SAFB2: variants seen among roughly 807,000 people sequenced by gnomAD.
SAFB2 encodes scaffold attachment factor B2.
A neutral mutation model predicts 100.6 loss-of-function variants in SAFB2; 32 were observed. The observed-to-expected ratio is 0.32, with a 90% CI of 0.24 to 0.43. The LOEUF is 0.43. SAFB2 is among the 20% of genes least tolerant of loss of function. The pLI, the probability that SAFB2 is intolerant of heterozygous loss-of-function variation, is 1.00. For synonymous variants in SAFB2, 500 were observed against 439.4 expected, an observed-to-expected ratio of 1.14 and a Z score of -1.72; for missense variants, 1,185 against 1,163.4, an observed-to-expected ratio of 1.02 and a Z score of -0.27.
intron 11 of SAFB2, among the ~76,000 whole-genome samples, chr19:5,600,950 C>T (rs571317663): frequency 4.6e-5 from 7 of 152,104 alleles, no homozygotes; most frequent in Non-Finnish European, 8.8e-5. Context: ...AACTGCACAC[C>T]GACTCAACAC....
In SAFB2 at chr19:5,587,896, C is replaced by T. The variant is rs764521531; in HGVS notation, c.2610G>A (p.Ala870=). The change falls in exon 19 of 21, where the codon GCG becomes GCA. Residue 870 remains alanine (A), a synonymous_variant. Transcript: ENST00000252542. The surrounding 1 kb of genome is among the most constrained non-coding windows in gnomAD (Gnocchi z 4.9). ...RAWQGAMDAG[A]ASREHARWQG... ...GCCACCTGGCGTGCTCCCGGCTAGC[C>T]GCGCCTGCGTCCATGGCACCCTGCC... 1.8e-5 allele frequency: 29 copies of T among 1,612,138 alleles called. No individual in the cohort carries two copies. The highest frequency in any genetic ancestry group is 3.3e-5 in the South Asian group (3 of 90,858).
rs2052623694 is a variant in SAFB2 at position 5,600,145 on chromosome 19, T to C, written c.1675A>G (p.Arg559Gly). The C allele has an allele frequency of 5.0e-6, 8 of 1,614,098 alleles. No homozygotes were observed. Among genetic ancestry groups the C allele is most frequent in the Non-Finnish European group, 6.8e-6 (8 of 1,179,998 alleles). The change falls in exon 12 of 21, where the codon AGA becomes GGA. Residue 559 changes from arginine (R) to glycine (G), a missense_variant. Around this residue, in one of 3 missense-constraint regions of SAFB2, gnomAD observed 740 missense variants for 687.1 expected, o/e 1.08. Transcript: ENST00000252542. ...ELKPGPTNRS[R>G]VTKSGSRGME... ...CTCTCCTCACCTGATTTGGTGACTC[T>C]AGACCGATTTGTAGGTCCGGGTTTC...
chr19:5,596,599 TC>T (rs1186180742), intron 13 of SAFB2, among the ~76,000 whole-genome samples: 1 of 152,126 alleles, frequency 6.6e-6, no homozygotes, highest in African/African-American at 2.4e-5. Flanking sequence ...TGCTTCATCC[TC>T]CCAAAGTGCC....
intron 17 of SAFB2, among the ~76,000 whole-genome samples, chr19:5,590,881 C>T (rs1019415719): frequency 6.6e-6 from 1 of 152,222 alleles, no homozygotes; most frequent in African/African-American, 2.4e-5. Context: ...CTGTTACAGG[C>T]CATTACTCTG....
intron 8 of SAFB2, chr19:5,610,429 C>T (rs150716475): frequency 1.7e-6 from 1 of 603,216 alleles, no homozygotes; most frequent in African/African-American, 1.9e-5. Flanking sequence ...GTGCTTTTCA[C>T]CATCCCATAG....
intron 1 of SAFB2, among the ~76,000 whole-genome samples, chr19:5,622,248 C>T (rs961471618): frequency 3.3e-5 from 5 of 152,244 alleles, no homozygotes; most frequent in African/African-American, 7.2e-5. Flanking sequence ...CGATCGGGAG[C>T]CCCAGGAGGG....
At chr19:5,612,265 C>T (rs1031195147) in intron 6 of SAFB2, 21 of 503,354 alleles carry the variant, frequency 4.2e-5, no homozygotes, top group African/African-American at 2.7e-4. Flanking sequence ...GGAGGAATCA[C>T]GGGGACGGGG....
In SAFB2 at chr19:5,610,508, C is replaced by T. The variant is rs575170736; in HGVS notation, c.1195+131G>A. ...TTCTAAAACTAGTCTCTCAAGAAAC[C>T]ATTAGGTGGTTGATTCCGGTAACCC... On this transcript the variant is annotated intron_variant, in intron 8 of 20. Transcript: ENST00000252542. 3.0e-5 allele frequency: 21 copies of T among 705,500 alleles called. No individual in the cohort carries two copies. The East Asian group carries it at 5.3e-4, about 18-fold the overall frequency. The allele number at this position is 705,500 out of a possible 1,614,324, so 43.7% of individuals were successfully genotyped here.
chr19:5,597,836 A>G (rs1269566033), intron 13 of SAFB2, among the ~76,000 whole-genome samples: 2 of 152,206 alleles, frequency 1.3e-5, no homozygotes, highest in Non-Finnish European at 2.9e-5. Context: ...TTCATTTTAA[A>G]AACTAAGTCT....
intron 11 of SAFB2, among the ~76,000 whole-genome samples, chr19:5,603,809 A>G (rs753863199): frequency 6.6e-6 from 1 of 152,202 alleles, no homozygotes; most frequent in Admixed American, 6.5e-5. Flanking sequence ...CCAACTGCTC[A>G]CTCAAGGTCA....
intron 9 of SAFB2, among the ~76,000 whole-genome samples, chr19:5,608,392 T>A (rs1426838825): frequency 6.6e-6 from 1 of 152,196 alleles, no homozygotes; most frequent in Non-Finnish European, 1.5e-5. Flanking sequence ...ACCACGTATG[T>A]TTACCTCTGC....
At chr19:5,613,409 G>A in intron 5 of SAFB2, 56 bp downstream of exon 5, 1 of 1,469,732 alleles carries the variant, frequency 6.8e-7, no homozygotes, top group Non-Finnish European at 9.5e-7. Flanking sequence ...TTTCATTATG[G>A]AAAATCAACC....
intron 18 of SAFB2, 53 bp downstream of exon 18, chr19:5,590,225 T>G: frequency 2.6e-5 from 26 of 985,146 alleles, no homozygotes; most frequent in Admixed American, 6.8e-5. Flanking sequence ...GGCACCAACC[T>G]TTTCCCAGGT....
chr19:5,595,752 A>G (rs2052523770), intron 13 of SAFB2, among the ~76,000 whole-genome samples: 1 of 152,224 alleles, frequency 6.6e-6, no homozygotes, highest in African/African-American at 2.4e-5. Flanking sequence ...CGCCTCAGAA[A>G]ACCTACAGGC....
At chr19:5,617,296 G>A (rs574978245) in intron 2 of SAFB2, among the ~76,000 whole-genome samples, 1 of 151,978 alleles carries the variant, frequency 6.6e-6, no homozygotes, top group South Asian at 2.1e-4. Context: ...AGGCAAAAAG[G>A]CAAAGGCTGC....
In SAFB2 at chr19:5,616,308, G is replaced by T. The variant is rs140521200; in HGVS notation, c.367C>A (p.Leu123Met). Residue 123 changes from leucine (L) to methionine (M), a missense_variant, in exon 4 of 21, where the codon CTG becomes ATG. Around this residue, in one of 3 missense-constraint regions of SAFB2, gnomAD observed 351 missense variants for 341.2 expected, o/e 1.03. Transcript: ENST00000252542. The stretch of plus-strand genomic sequence containing the variant: ...ATGTCCATCATGCCCATATTCTGCA[G>T]GTTCTCCAGACTTGCTTCCATGTCC... ...QEDMEASLEN[L>M]QNMGMMDMSV... 3.1e-5 allele frequency: 50 copies of T among 1,613,996 alleles called. No individual in the cohort carries two copies. In the African/African-American group the frequency reaches 6.4e-4, roughly 21 times the overall value.
At chr19:5,606,736 T>G in intron 9 of SAFB2, among the ~76,000 whole-genome samples, 1 of 152,104 alleles carries the variant, frequency 6.6e-6, no homozygotes, top group Non-Finnish European at 1.5e-5. Flanking sequence ...AACCTAGAAT[T>G]CTATACCCAG....
intron 9 of SAFB2, among the ~76,000 whole-genome samples, chr19:5,605,655 G>A (rs1169515352): frequency 6.6e-6 from 1 of 152,142 alleles, no homozygotes; most frequent in Non-Finnish European, 1.5e-5. Flanking sequence ...GTCCCCATGG[G>A]GAAAGGACTT....
intron 9 of SAFB2, among the ~76,000 whole-genome samples, chr19:5,606,071 G>A (rs956752286): frequency 6.6e-6 from 1 of 152,184 alleles, no homozygotes; most frequent in Non-Finnish European, 1.5e-5. Flanking sequence ...ACCACTGGAG[G>A]GGCACTCAGG....
Sources: allele counts gnomAD v4.1 joint callset (sites outside exome capture counted in the v4.1 genomes callset), GRCh38; gene constraint gnomAD v4.1.1; regional missense constraint gnomAD v4.1.1; non-coding constraint Gnocchi (gnomAD v3.1); transcripts MANE v1.5; gene names NCBI Gene and HGNC (gene_info 2026-07-23, HGNC 2026-07-21).